DPP10: variants seen among roughly 807,000 people sequenced by gnomAD.
DPP10 encodes dipeptidyl peptidase like 10.
In DPP10, 33 loss-of-function variants were observed where a neutral mutation model predicts 120.9. The ratio of observed to expected loss-of-function variants is 0.27; its 90% CI spans 0.21 to 0.37. DPP10 has a LOEUF of 0.37. Ranked by LOEUF, DPP10 falls within the 10% of genes least tolerant of loss-of-function variation. The probability of loss-of-function intolerance (pLI) is 1.00; values close to 1 mark genes in which losing one functional copy is unlikely to be tolerated. For missense variants in DPP10, 816 were observed against 942.8 expected (o/e 0.87, Z 1.76); for synonymous variants, 337 against 326.1 (o/e 1.03, Z -0.36).
intron 1 of DPP10, among the ~76,000 whole-genome samples, chr2:114,872,902 T>A (rs1690810528): frequency 1.3e-5 from 2 of 152,294 alleles, no homozygotes; most frequent in South Asian, 4.1e-4. Context: ...ATTACAATAG[T>A]TGATTCACAT....
At chr2:114,669,553 G>A (rs1202394469) in intron 1 of DPP10, among the ~76,000 whole-genome samples, 2 of 151,886 alleles carry the variant, frequency 1.3e-5, no homozygotes, top group Admixed American at 6.6e-5. Context: ...TTGAATTGAT[G>A]GCACCCTAAT....
chr2:115,731,743 T>A (rs1400373667), intron 8 of DPP10, among the ~76,000 whole-genome samples: 1 of 152,144 alleles, frequency 6.6e-6, no homozygotes, highest in East Asian at 1.9e-4. Flanking sequence ...TTGTCAGACT[T>A]CAGTGATCTG....
chr2:114,949,212 C>T (rs1281113853), intron 1 of DPP10, among the ~76,000 whole-genome samples: 3 of 152,024 alleles, frequency 2.0e-5, no homozygotes, highest in East Asian at 1.9e-4. Flanking sequence ...TGTGAGCCAC[C>T]GCGCCTGGCC....
intron 1 of DPP10, among the ~76,000 whole-genome samples, chr2:115,142,215 C>A (rs144372667): frequency 2.6e-5 from 4 of 152,286 alleles, no homozygotes; most frequent in Non-Finnish European, 5.9e-5. Context: ...GTTTAATATT[C>A]AACTGCCTAT....
chr2:114,484,559 G>GT (rs1681334265), intron 1 of DPP10, among the ~76,000 whole-genome samples: 1 of 152,044 alleles, frequency 6.6e-6, no homozygotes, highest in Admixed American at 6.6e-5. Flanking sequence ...TTGTTTTGTG[G>GT]TTTTTTAATG....
chr2:115,771,312 G>A (rs1681441463), intron 13 of DPP10, among the ~76,000 whole-genome samples: 1 of 152,108 alleles, frequency 6.6e-6, no homozygotes, highest in East Asian at 1.9e-4. Flanking sequence ...GACATCAGGT[G>A]ATCCACCTGC....
At chr2:114,942,363 A>ATGTATATACG (rs1697013650) in intron 1 of DPP10, among the ~76,000 whole-genome samples, 1 of 98,214 alleles carries the variant, frequency 1.0e-5, no homozygotes, top group African/African-American at 4.3e-5. Context: ...ATATATATAC[A>ATGTATATACG]TATATATACA....
intron 1 of DPP10, among the ~76,000 whole-genome samples, chr2:115,273,461 C>T (rs1240812027): frequency 1.3e-5 from 2 of 152,186 alleles, no homozygotes; most frequent in African/African-American, 4.8e-5. Flanking sequence ...CTCAGCCTCC[C>T]GAGTAGCTGG....
At chr2:115,818,485 A>C (rs1225499546) in intron 21 of DPP10, among the ~76,000 whole-genome samples, 1 of 152,194 alleles carries the variant, frequency 6.6e-6, no homozygotes, top group Non-Finnish European at 1.5e-5. Flanking sequence ...ACATTCATGG[A>C]AATTTAGAGA....
At chr2:115,194,331 TCTC>T (rs1217367430) in intron 1 of DPP10, among the ~76,000 whole-genome samples, 1 of 152,084 alleles carries the variant, frequency 6.6e-6, no homozygotes, top group Non-Finnish European at 1.5e-5. Flanking sequence ...TTCAAGCAAT[TCTC>T]CTGCCTCAGC....
intron 3 of DPP10, among the ~76,000 whole-genome samples, chr2:115,477,399 C>A (rs1351604087): frequency 6.6e-6 from 1 of 151,954 alleles, no homozygotes; most frequent in African/African-American, 2.4e-5. Context: ...GAAAACAGTT[C>A]TATTTGTAGT....
At chr2:114,996,750 G>A (rs1419262459) in intron 1 of DPP10, among the ~76,000 whole-genome samples, 2 of 152,162 alleles carry the variant, frequency 1.3e-5, no homozygotes, top group Admixed American at 6.5e-5. Flanking sequence ...TTGGGAGGCC[G>A]AGGTGGGCAG....
chr2:114,497,280 C>A (rs373056510), intron 1 of DPP10, among the ~76,000 whole-genome samples: 3 of 50,476 alleles, frequency 5.9e-5, no homozygotes, highest in Non-Finnish European at 9.6e-5. Flanking sequence ...TACATGTATA[C>A]GTGTATACAT....
At chr2:115,782,938 G>A (rs75464507) in intron 17 of DPP10, among the ~76,000 whole-genome samples, 3,007 of 152,068 alleles carry the variant, frequency 0.02, 93 homozygotes, top group African/African-American at 0.067. Flanking sequence ...TGACAGAGTC[G>A]GAGGGTACAC....
intron 1 of DPP10, among the ~76,000 whole-genome samples, chr2:114,969,029 GCAAA>G (rs1238979927): frequency 6.6e-6 from 1 of 152,178 alleles, no homozygotes; most frequent in Admixed American, 6.5e-5. Flanking sequence ...GCCATACTAA[GCAAA>G]CACTTTCCTG....
chr2:115,733,145 A>G (rs2092951013), intron 8 of DPP10, among the ~76,000 whole-genome samples: 1 of 152,196 alleles, frequency 6.6e-6, no homozygotes, highest in Non-Finnish European at 1.5e-5. Context: ...GAGATAAGCA[A>G]TATTCTTATC....
intron 1 of DPP10, among the ~76,000 whole-genome samples, chr2:114,925,085 C>T (rs1695511922): frequency 6.6e-6 from 1 of 151,152 alleles, no homozygotes; most frequent in African/African-American, 2.4e-5. Context: ...GTGGCGGGTG[C>T]CTGTAGTGCC....
chr2:114,905,673 C>A (rs1306784020), intron 1 of DPP10, among the ~76,000 whole-genome samples: 2 of 152,110 alleles, frequency 1.3e-5, no homozygotes, highest in African/African-American at 4.8e-5. Flanking sequence ...ACCTAGCAAT[C>A]CCATTACTGG....
intron 7 of DPP10, among the ~76,000 whole-genome samples, chr2:115,722,126 A>G (rs771126565): frequency 3.3e-5 from 5 of 152,020 alleles, no homozygotes; most frequent in African/African-American, 4.8e-5. Flanking sequence ...TTACTAATCA[A>G]CCGACACAGA....
Sources: allele counts gnomAD v4.1 joint callset (sites outside exome capture counted in the v4.1 genomes callset), GRCh38; gene constraint gnomAD v4.1.1; transcripts MANE v1.5; gene names NCBI Gene and HGNC (gene_info 2026-07-23, HGNC 2026-07-21).